Variants in TFEC observed in about 807,000 individuals in gnomAD.
The protein encoded by TFEC is transcription factor EC.
Under a neutral mutation model 41.6 loss-of-function variants are expected in TFEC, and 31 were observed. The ratio of observed to expected loss-of-function variants is 0.74; its 90% confidence interval spans 0.56 to 1.01. TFEC has a LOEUF of 1.01. TFEC is among the 50% of genes least tolerant of loss of function. The pLI is 0.00. For synonymous variants in TFEC, 143 were observed against 140.6 expected (o/e 1.02, Z -0.12); for missense variants, 402 against 404.1 (o/e 0.99, Z 0.04).
chr7:116,049,503 A>C (rs1445747483), intron 3 of TFEC, among the ~76,000 whole-genome samples: 1 of 152,190 alleles, frequency 6.6e-6, no homozygotes, highest in Non-Finnish European at 1.5e-5. Flanking sequence ...ACCTACAAAG[A>C]GACTTAGACT....
intron 1 of TFEC, among the ~76,000 whole-genome samples, chr7:116,029,035 T>G (rs911917563): frequency 6.6e-6 from 1 of 152,200 alleles, no homozygotes; most frequent in Non-Finnish European, 1.5e-5. Flanking sequence ...ACAAACCTTA[T>G]GCCGCAGTCG....
intron 3 of TFEC, among the ~76,000 whole-genome samples, chr7:116,087,478 A>AT (rs1797228010): frequency 6.6e-6 from 1 of 152,042 alleles, no homozygotes; most frequent in African/African-American, 2.4e-5. Flanking sequence ...GTAATAGACA[A>AT]CCACTGTTTC....
At chr7:115,946,343 A>C (rs1791544461) in intron 6 of TFEC, among the ~76,000 whole-genome samples, 1 of 150,874 alleles carries the variant, frequency 6.6e-6, no homozygotes, top group South Asian at 2.2e-4. Context: ...TGTCCAAATA[A>C]ATGAGCAAAT....
chr7:116,093,800 G>A (rs1797384691), intron 3 of TFEC, among the ~76,000 whole-genome samples: 1 of 152,114 alleles, frequency 6.6e-6, no homozygotes, highest in Admixed American at 6.6e-5. Flanking sequence ...TACCTTGGGG[G>A]AAATGCAAGC....
intron 1 of TFEC, among the ~76,000 whole-genome samples, chr7:116,156,945 CTTTT>C (rs1413127870): frequency 1.3e-5 from 2 of 152,074 alleles, no homozygotes; most frequent in African/African-American, 2.4e-5. Flanking sequence ...CTTATTGATA[CTTTT>C]TTTGTCTTAC....
intron 1 of TFEC, among the ~76,000 whole-genome samples, chr7:115,999,230 T>C (rs1794492136): frequency 6.6e-6 from 1 of 151,940 alleles, no homozygotes; most frequent in Admixed American, 6.6e-5. Context: ...AAAAATATGC[T>C]CCTGAATGAC....
chr7:116,062,604 A>AT (rs908399766), intron 3 of TFEC, among the ~76,000 whole-genome samples: 3 of 91,670 alleles, frequency 3.3e-5, no homozygotes, highest in Admixed American at 1.2e-4. Flanking sequence ...TATATATCAC[A>AT]TTTTTTTACT....
At chr7:116,063,039 A>T (rs1489843210) in intron 3 of TFEC, among the ~76,000 whole-genome samples, 2 of 152,238 alleles carry the variant, frequency 1.3e-5, no homozygotes, top group East Asian at 3.8e-4. Context: ...TGTTGGAAAC[A>T]ATGCAAATGC....
chr7:116,111,033 G>T (rs1345269937), intron 2 of TFEC: 2 of 514,370 alleles, frequency 3.9e-6, no homozygotes, highest in African/African-American at 4.0e-5. Flanking sequence ...TGATAAGGGA[G>T]GTATTTGAAA....
At chr7:116,014,243 T>G (rs1428343648) in intron 1 of TFEC, among the ~76,000 whole-genome samples, 1 of 152,146 alleles carries the variant, frequency 6.6e-6, no homozygotes. Context: ...ATCATGATTA[T>G]GCTATTTTTT....
intron 1 of TFEC, among the ~76,000 whole-genome samples, chr7:115,988,839 A>C (rs924887257): frequency 6.6e-6 from 1 of 152,080 alleles, no homozygotes; most frequent in Non-Finnish European, 1.5e-5. Flanking sequence ...TAAAGAAAAA[A>C]ACTCTGGAAA....
At chr7:116,073,125 A>C (rs893918666) in intron 3 of TFEC, among the ~76,000 whole-genome samples, 2 of 151,790 alleles carry the variant, frequency 1.3e-5, no homozygotes, top group African/African-American at 4.8e-5. Context: ...TAGAACTAAT[A>C]AATGAGTTTA....
chr7:116,013,082 G>T (rs1228971938), intron 1 of TFEC, among the ~76,000 whole-genome samples: 1 of 151,982 alleles, frequency 6.6e-6, no homozygotes, highest in African/African-American at 2.4e-5. Context: ...TATTCATTTT[G>T]ATTGACAAAC....
At chr7:116,112,562 T>A (rs888229055) in intron 1 of TFEC, among the ~76,000 whole-genome samples, 1 of 151,984 alleles carries the variant, frequency 6.6e-6, no homozygotes, top group Non-Finnish European at 1.5e-5. Context: ...GTGCCCAATA[T>A]TGAATTGTCA....
At chr7:116,070,941 C>A (rs1796812601) in intron 3 of TFEC, among the ~76,000 whole-genome samples, 1 of 151,406 alleles carries the variant, frequency 6.6e-6, no homozygotes, top group East Asian at 1.9e-4. Flanking sequence ...ACATAATACA[C>A]ACATACACAT....
At chr7:116,132,605 C>T (rs921145563) in intron 1 of TFEC, among the ~76,000 whole-genome samples, 2 of 152,178 alleles carry the variant, frequency 1.3e-5, no homozygotes, top group Non-Finnish European at 2.9e-5. Flanking sequence ...TTTGGTGCCA[C>T]GGCCTTCATT....
intron 3 of TFEC, among the ~76,000 whole-genome samples, chr7:115,967,827 A>C (rs1792935856): frequency 6.6e-6 from 1 of 151,888 alleles, no homozygotes; most frequent in Non-Finnish European, 1.5e-5. Flanking sequence ...ATACTTTTGC[A>C]TCATGCATAT....
At chr7:116,147,658 G>A (rs955051941) in intron 1 of TFEC, among the ~76,000 whole-genome samples, 1 of 149,742 alleles carries the variant, frequency 6.7e-6, no homozygotes, top group Non-Finnish European at 1.5e-5. Flanking sequence ...TGCGGTGTTT[G>A]GTTTTTTGTC....
chr7:115,945,662 T>G (rs1475295551), intron 6 of TFEC, among the ~76,000 whole-genome samples: 1 of 151,812 alleles, frequency 6.6e-6, no homozygotes, highest in African/African-American at 2.4e-5. Flanking sequence ...TAAATGTTAT[T>G]TGCCTACATA....
Sources: allele counts gnomAD v4.1 joint callset (sites outside exome capture counted in the v4.1 genomes callset), GRCh38; gene constraint gnomAD v4.1.1; transcripts MANE v1.5; gene names NCBI Gene and HGNC (gene_info 2026-07-23, HGNC 2026-07-21).